The following CD109 variants were observed in gnomAD, a reference collection of about 807,000 sequenced individuals.
CD109 encodes CD109 molecule.
A neutral mutation model predicts 165.8 loss-of-function variants in CD109; 149 were observed. The ratio of observed to expected loss-of-function variants is 0.90; its 90% confidence interval spans 0.79 to 1.03. CD109 has a LOEUF of 1.03. CD109 is among the 50% of genes least tolerant of loss of function. CD109 has a pLI of 0.00. For synonymous variants in CD109, 585 were observed against 592.1 expected (o/e 0.99, Z 0.18); for missense variants, 1,712 against 1,677.8 (o/e 1.02, Z -0.36).
chr6:73,699,002 T>C (rs1407801089), intron 2 of CD109, among the ~76,000 whole-genome samples: 1 of 152,218 alleles, frequency 6.6e-6, no homozygotes, highest in African/African-American at 2.4e-5. Context: ...TTGCTAATAT[T>C]ATTAGTGTAA....
chr6:73,782,527 G>A, intron 17 of CD109, 87 bp from the exon 18 acceptor site: 1 of 1,309,212 alleles, frequency 7.6e-7, no homozygotes, highest in Admixed American at 1.8e-5. Flanking sequence ...GACACCTCAA[G>A]TGATTGACAT....
At chr6:73,802,285 G>GTATATATATATA (rs1386422247) in intron 23 of CD109, among the ~76,000 whole-genome samples, 3 of 99,624 alleles carry the variant, frequency 3.0e-5, no homozygotes, top group African/African-American at 8.2e-5. Flanking sequence ...GTGTGTGTGT[G>GTATATATATATA]TGTGTATATA....
At position 73,747,560 on chromosome 6, in the gene CD109, A is replaced by C. The variant is rs145599945; in HGVS notation, c.634-9083A>C. ...TTCAGTTTCCATCTATACACCAATGACTCTCAAATTGGCCTCTCTGAGAGA... is the reference window on the plus strand; with the variant it reads ...TTCAGTTTCCATCTATACACCAATGCCTCTCAAATTGGCCTCTCTGAGAGA... On this transcript the variant is annotated intron_variant, in intron 5 of 32. Transcript: ENST00000287097. 2.7e-3 allele frequency among the ~76,000 whole-genome samples: 404 copies of C among 152,260 alleles called. 9 individuals are homozygous for C. The highest frequency in any genetic ancestry group is 5.0e-4 in the Non-Finnish European group (34 of 68,008).
intron 6 of CD109, among the ~76,000 whole-genome samples, chr6:73,757,268 G>A (rs2150215768): frequency 6.6e-6 from 1 of 152,190 alleles, no homozygotes; most frequent in South Asian, 2.1e-4. Flanking sequence ...TTGAGATTGG[G>A]TTTTATTTAG....
At chr6:73,740,540 A>G (rs1228471447) in intron 5 of CD109, among the ~76,000 whole-genome samples, 1 of 150,198 alleles carries the variant, frequency 6.7e-6, no homozygotes, top group Non-Finnish European at 1.5e-5. Context: ...AAGGTTTTTT[A>G]TGATAGTAAT....
At chr6:73,760,406 CAAAAAAAAAAAAAAA>C (rs35181896) in intron 7 of CD109, among the ~76,000 whole-genome samples, 1 of 16,596 alleles carries the variant, frequency 6.0e-5, no homozygotes, top group East Asian at 1.5e-3. Context: ...GACCCCGTCT[CAAAAAAAAAAAAAAA>C]AAAAAAAAAA....
Position 73,818,523 on chromosome 6 carries a change from C to G in CD109, c.4047C>G (p.Leu1349=), listed in dbSNP as rs953131468. The G allele has an allele frequency of 6.2e-7, 1 of 1,612,894 alleles. No individual in the cohort carries two copies. The highest frequency in any genetic ancestry group is 1.1e-5 in the South Asian group (1 of 90,678). Residue 1349 remains leucine, a synonymous_variant, in exon 31 of 33, where the codon CTC becomes CTG. Transcript: ENST00000287097. ...KVEYDHGKLN[L]YLDSVNETQF... Reference sequence around the variant, plus strand: ...AATATGATCATGGAAAACTCAACCTCTATTTAGATTCTGTAAGTAGTAAAA... The same window carrying G: ...AATATGATCATGGAAAACTCAACCTGTATTTAGATTCTGTAAGTAGTAAAA...
chr6:73,781,835 A>ACACAC (rs150665697), intron 17 of CD109, among the ~76,000 whole-genome samples: 4 of 144,318 alleles, frequency 2.8e-5, no homozygotes, highest in South Asian at 4.4e-4. Flanking sequence ...ACACACACAC[A>ACACAC]CCCCTCATCA....
At chr6:73,701,195 C>T (rs1771064679) in intron 2 of CD109, among the ~76,000 whole-genome samples, 1 of 151,072 alleles carries the variant, frequency 6.6e-6, no homozygotes, top group Non-Finnish European at 1.5e-5. Context: ...TGTATCAATG[C>T]CTTTCTAGTA....
In CD109 at chr6:73,770,510, C is replaced by T. The variant is rs532766489; in HGVS notation, c.1675-919C>T. The stretch of plus-strand genomic sequence containing the variant: ...CTGTAATCCCAGCACTTTGGGAGGC[C>T]GAGGCAGGCGGATCACCTGTGGTCA... On this transcript the variant is annotated intron_variant, in intron 14 of 32. Transcript: ENST00000287097. Among the ~76,000 whole-genome samples the T allele has an allele frequency of 1.4e-4, 21 of 152,064 alleles. No homozygotes were observed. In the South Asian group the frequency reaches 4.0e-3, roughly 29 times the overall value.
At chr6:73,811,248 C>T in intron 28 of CD109, 101 bp downstream of exon 28, 1 of 1,352,182 alleles carries the variant, frequency 7.4e-7, no homozygotes, top group South Asian at 1.5e-5. Context: ...AGACTTGTTT[C>T]CAGAGCTCTG....
At chr6:73,769,471 T>G (rs1773964186) in intron 14 of CD109, among the ~76,000 whole-genome samples, 1 of 152,196 alleles carries the variant, frequency 6.6e-6, no homozygotes, top group African/African-American at 2.4e-5. Flanking sequence ...GCAGAGTATA[T>G]GAATAGCATA....
At chr6:73,680,376 G>T in the CD109 span, among the ~76,000 whole-genome samples, 1 of 152,092 alleles carries the variant, frequency 6.6e-6, no homozygotes, top group Non-Finnish European at 1.5e-5. Context: ...CCAGTGTAAG[G>T]GTGTGGCATA....
At chr6:73,693,489 C>G (rs1354253403), upstream of CD109, among the ~76,000 whole-genome samples, 1 of 152,234 alleles carries the variant, frequency 6.6e-6, no homozygotes, top group African/African-American at 2.4e-5. Context: ...TCAGCATCAG[C>G]TTTGGGCGAC....
At position 73,756,677 on chromosome 6, in the gene CD109, A is replaced by C. The variant is rs890597267; in HGVS notation, c.668A>C (p.Glu223Ala). 5 of 1,548,710 alleles carry C rather than the reference A, an allele frequency of 3.2e-6. No homozygotes were observed. The highest frequency in any genetic ancestry group is 3.5e-6 in the Non-Finnish European group (4 of 1,145,782). ...TACTATCAATCATTTCAGGTTTCAG[A>C]ATATGGTAAGAGTTCCTCAATCTAT... The part of the protein sequence containing the change: ...QTYYQSFQVS[E>A]YVLPKFEVTL... The change falls in exon 6 of 33, where the codon GAA becomes GCA. Residue 223 changes from glutamate (E) to alanine (A), a missense_variant. Coordinates refer to ENST00000287097, the MANE Select transcript of CD109 (RefSeq NM_133493.5).
intron 11 of CD109, 64 bp downstream of exon 11, chr6:73,766,218 AG>A: frequency 7.6e-7 from 1 of 1,308,782 alleles, no homozygotes; most frequent in South Asian, 1.2e-5. Flanking sequence ...ATCTTGTGGT[AG>A]GCACTCAACC....
chr6:73,789,581 G>T (rs1462061207), intron 22 of CD109, among the ~76,000 whole-genome samples: 1 of 151,130 alleles, frequency 6.6e-6, no homozygotes, highest in Non-Finnish European at 1.5e-5. Flanking sequence ...AGCCTCCCGA[G>T]TAGTTGGGAC....
At chr6:73,703,540 A>G (rs1195080358) in intron 2 of CD109, among the ~76,000 whole-genome samples, 3 of 152,228 alleles carry the variant, frequency 2.0e-5, no homozygotes, top group Admixed American at 1.3e-4. Flanking sequence ...GCAGTTTCCC[A>G]AATTTGCAGT....
At chr6:73,696,453 TATGTAGCTTCAGCGTGGCTCTCC>T (rs1562015464) in intron 1 of CD109, among the ~76,000 whole-genome samples, 164 bp downstream of exon 1, 1 of 152,208 alleles carries the variant, frequency 6.6e-6, no homozygotes, top group East Asian at 1.9e-4. Flanking sequence ...GGTTTGACCA[TATGTAGCTTCAGCGTGGCTCTCC>T]ATGGGACAGT....
Sources: allele counts gnomAD v4.1 joint callset (sites outside exome capture counted in the v4.1 genomes callset), GRCh38; gene constraint gnomAD v4.1.1; transcripts MANE v1.5; gene names NCBI Gene and HGNC (gene_info 2026-07-23, HGNC 2026-07-21).